EXOC2: variants seen among roughly 807,000 people sequenced by gnomAD.
The protein encoded by EXOC2 is SEC5-like 1.
In EXOC2, 70 loss-of-function variants were observed where a neutral mutation model predicts 131.8. That is an observed-to-expected ratio of 0.53 (90% CI 0.44 to 0.65). The LOEUF is 0.65. EXOC2 is among the 30% of genes least tolerant of loss of function. EXOC2 has a pLI of 0.00. For synonymous variants in EXOC2, 411 were observed against 398.4 expected, an observed-to-expected ratio of 1.03 and a Z score of -0.38; for missense variants, 923 against 1,108.6, an observed-to-expected ratio of 0.83 and a Z score of 2.38.
chr6:628,348 A>G (rs1761682066), intron 4 of EXOC2, among the ~76,000 whole-genome samples: 1 of 152,174 alleles, frequency 6.6e-6, no homozygotes. Flanking sequence ...TGCCATTACC[A>G]ATCTCATCAA....
chr6:647,985 C>T (rs1762656393), intron 1 of EXOC2, among the ~76,000 whole-genome samples: 1 of 152,142 alleles, frequency 6.6e-6, no homozygotes. Context: ...AGCCAACAGG[C>T]ATTACACTGG....
intron 23 of EXOC2, among the ~76,000 whole-genome samples, chr6:523,599 T>C (rs930087026): frequency 1.3e-5 from 2 of 152,274 alleles, no homozygotes; most frequent in Non-Finnish European, 2.9e-5. Context: ...TTCATATCTA[T>C]GAATTCAAGT....
intron 9 of EXOC2, 98 bp downstream of exon 9, chr6:598,762 A>G: frequency 1.0e-6 from 1 of 980,714 alleles, no homozygotes; most frequent in Non-Finnish European, 1.5e-6. Context: ...TCATATAAAC[A>G]AAAACTAAAA....
chr6:587,524 G>C (rs569043827), intron 11 of EXOC2, among the ~76,000 whole-genome samples: 3 of 152,200 alleles, frequency 2.0e-5, no homozygotes, highest in African/African-American at 7.2e-5. Context: ...GATTACAGGC[G>C]TGAGCCACCG....
chr6:574,604 C>T (rs1758478256), intron 12 of EXOC2, among the ~76,000 whole-genome samples: 1 of 152,186 alleles, frequency 6.6e-6, no homozygotes, highest in Admixed American at 6.5e-5. Flanking sequence ...GTTTTAAACT[C>T]ATTTTCACAG....
In EXOC2 at chr6:575,716, C is replaced by G. The variant is rs970437758; in HGVS notation, c.1318+1041G>C. Among the ~76,000 whole-genome samples, 12 of 152,206 alleles carry G rather than the reference C, an allele frequency of 7.9e-5. No individual in the cohort carries two copies. The East Asian group carries it at 2.3e-3, about 29-fold the overall frequency. On this transcript the variant is annotated intron_variant, in intron 12 of 27. Transcript: ENST00000230449. Reference sequence around the variant, plus strand: ...GTTCCTTTATAGCAACACAAACAGACTAACACAGCTTAATATGGCAGCAAA... The same window carrying G: ...GTTCCTTTATAGCAACACAAACAGAGTAACACAGCTTAATATGGCAGCAAA...
chr6:682,932 CA>C (rs138264934), intron 1 of EXOC2, among the ~76,000 whole-genome samples: 6,847 of 152,234 alleles, frequency 0.045, 259 homozygotes, highest in African/African-American at 0.1. Context: ...AGGATGGTAT[CA>C]TTTTTTAAAA....
intron 11 of EXOC2, among the ~76,000 whole-genome samples, chr6:580,158 C>A (rs1321294693): frequency 1.3e-5 from 2 of 152,032 alleles, no homozygotes. Context: ...TCTCTTGCCT[C>A]AGCCTCTCAA....
intron 23 of EXOC2, among the ~76,000 whole-genome samples, chr6:531,053 T>C (rs915738928): frequency 2.6e-5 from 4 of 152,218 alleles, no homozygotes; most frequent in African/African-American, 9.6e-5. Context: ...CTGGTACCTG[T>C]GGGGATGCTA....
intron 1 of EXOC2, among the ~76,000 whole-genome samples, chr6:692,385 G>A (rs1049520486): frequency 2.6e-5 from 4 of 152,242 alleles, no homozygotes; most frequent in Admixed American, 6.5e-5. Context: ...GGCTGCTGGT[G>A]TGCGGACCTG....
At chr6:581,820 T>C (rs1758921255) in intron 11 of EXOC2, among the ~76,000 whole-genome samples, 1 of 152,220 alleles carries the variant, frequency 6.6e-6, no homozygotes, top group African/African-American at 2.4e-5. Flanking sequence ...GTTAGTATTT[T>C]ATTTTTCCAG....
chr6:639,619 C>A (rs1196767460), intron 1 of EXOC2, among the ~76,000 whole-genome samples: 1 of 152,228 alleles, frequency 6.6e-6, no homozygotes, highest in African/African-American at 2.4e-5. Context: ...ATCCTGACAC[C>A]TGAGTGTCTT....
intron 13 of EXOC2, among the ~76,000 whole-genome samples, chr6:567,848 C>T (rs1323379828): frequency 2.0e-5 from 3 of 152,164 alleles, no homozygotes; most frequent in Admixed American, 6.5e-5. Context: ...CTCTGGGTCC[C>T]GACATGAGAG....
intron 21 of EXOC2, 140 bp from the exon 22 acceptor site, chr6:549,431 C>T (rs1264736720): frequency 1.7e-6 from 1 of 600,034 alleles, no homozygotes; most frequent in Non-Finnish European, 2.9e-6. Flanking sequence ...TGCTTCTTTC[C>T]CAATATTATA....
rs138384447 is a variant in EXOC2 at position 564,561 on chromosome 6, C to A, written c.1651G>T (p.Ala551Ser). ...CELSGQWLAH[A>S]IQTVRLTHES... Reference sequence around the variant, plus strand: ...CATACTCACCTTACAGTCTGGATGGCGTGAGCGAGCCACTGTCCGGAGAGC... The same window carrying A: ...CATACTCACCTTACAGTCTGGATGGAGTGAGCGAGCCACTGTCCGGAGAGC... Residue 551 changes from alanine to serine, a missense_variant, in exon 15 of 28, where the codon GCC (alanine) becomes TCC (serine). Transcript: ENST00000230449. 1.9e-6 allele frequency: 3 copies of A among 1,614,152 alleles called. No homozygotes were observed. The highest frequency in any genetic ancestry group is 2.5e-6 in the Non-Finnish European group (3 of 1,180,042).
chr6:627,243 CAA>C (rs144043704), intron 4 of EXOC2, among the ~76,000 whole-genome samples: 20,197 of 118,588 alleles, frequency 0.17, 1,516 homozygotes, highest in African/African-American at 0.25. Flanking sequence ...TGACAGTATC[CAA>C]AAAAAAAAAA....
chr6:552,400 C>T (rs973076832), intron 21 of EXOC2, among the ~76,000 whole-genome samples: 4 of 152,238 alleles, frequency 2.6e-5, no homozygotes, highest in African/African-American at 9.6e-5. Context: ...GATGGCCCGC[C>T]ACCACTCTTG....
At chr6:548,175 A>C (rs1314441128) in intron 22 of EXOC2, among the ~76,000 whole-genome samples, 1 of 152,216 alleles carries the variant, frequency 6.6e-6, no homozygotes, top group African/African-American at 2.4e-5. Flanking sequence ...AAGTCACGAC[A>C]TTTCTCATCA....
chr6:535,069 G>T (rs1224933798), intron 22 of EXOC2, among the ~76,000 whole-genome samples: 1 of 152,116 alleles, frequency 6.6e-6, no homozygotes, highest in Non-Finnish European at 1.5e-5. Flanking sequence ...CTAATTTTCT[G>T]CCCCAAGTAT....
Sources: gnomAD v4.1 joint callset for allele counts (sites outside exome capture counted in the v4.1 genomes callset) on GRCh38, gnomAD v4.1.1 for gene constraint, MANE v1.5 for transcripts, NCBI Gene and HGNC (gene_info 2026-07-23, HGNC 2026-07-21) for gene names.